Variants in ZBTB38 observed in about 807,000 individuals in gnomAD.
ZBTB38 encodes the protein zinc finger and BTB domain-containing protein 38.
Under a neutral mutation model 76.8 loss-of-function variants are expected in ZBTB38, and 20 were observed. The ratio of observed to expected loss-of-function variants is 0.26; its 90% confidence interval spans 0.18 to 0.38. The LOEUF is 0.38. Among genes scored for constraint, ZBTB38 ranks in the 10% least tolerant of loss-of-function variants. ZBTB38 has a pLI of 1.00. For synonymous variants in ZBTB38, 504 were observed against 544.2 expected, an observed-to-expected ratio of 0.93 and a Z score of 1.03; for missense variants, 1,082 against 1,482.3, an observed-to-expected ratio of 0.73 and a Z score of 4.43.
chr3:141,371,037 C>CT (rs373273690), intron 2 of ZBTB38, among the ~76,000 whole-genome samples: 112 of 86,226 alleles, frequency 1.3e-3, no homozygotes, highest in African/African-American at 5.9e-3. Context: ...CTTTTCTTTT[C>CT]TTTCTTTCTT....
chr3:141,436,295 A>G (rs1450517131), intron 5 of ZBTB38, among the ~76,000 whole-genome samples: 8 of 152,172 alleles, frequency 5.3e-5, no homozygotes, highest in African/African-American at 1.9e-4. Context: ...ATGTTATTTT[A>G]CTTACTGTTC....
chr3:141,356,446 T>C (rs1163564200), intron 1 of ZBTB38, among the ~76,000 whole-genome samples: 2 of 152,012 alleles, frequency 1.3e-5, no homozygotes, highest in East Asian at 3.9e-4. Context: ...GGAAAGACAG[T>C]AGGGTAAGAA....
intron 1 of ZBTB38, among the ~76,000 whole-genome samples, chr3:141,337,034 A>G (rs1943033311): frequency 6.6e-6 from 1 of 152,250 alleles, no homozygotes; most frequent in African/African-American, 2.4e-5. Flanking sequence ...CAAATCCTAT[A>G]GATAAAGCTG....
intron 1 of ZBTB38, among the ~76,000 whole-genome samples, chr3:141,354,252 C>T (rs149654976): frequency 1.1e-3 from 170 of 152,236 alleles, no homozygotes; most frequent in Non-Finnish European, 2.0e-3. Context: ...GCCTGCTAAT[C>T]CTCTTTAAAC....
intron 1 of ZBTB38, among the ~76,000 whole-genome samples, chr3:141,356,477 A>C (rs1294739892): frequency 2.0e-5 from 3 of 152,138 alleles, no homozygotes; most frequent in Non-Finnish European, 4.4e-5. Flanking sequence ...GTTCAGGGGA[A>C]GCCTCGGTAT....
intron 2 of ZBTB38, among the ~76,000 whole-genome samples, chr3:141,374,787 A>G (rs1281745663): frequency 6.6e-6 from 1 of 152,146 alleles, no homozygotes; most frequent in Non-Finnish European, 1.5e-5. Context: ...ATTTTAATGT[A>G]TCAGTTTTTT....
At chr3:141,343,937 C>T (rs913411150) in intron 1 of ZBTB38, among the ~76,000 whole-genome samples, 1 of 152,178 alleles carries the variant, frequency 6.6e-6, no homozygotes, top group African/African-American at 2.4e-5. Context: ...CCAAGGGCCT[C>T]TAACAGTAGA....
chr3:141,349,997 A>G (rs1203521324), intron 1 of ZBTB38, among the ~76,000 whole-genome samples: 1 of 152,236 alleles, frequency 6.6e-6, no homozygotes, highest in African/African-American at 2.4e-5. Flanking sequence ...TATAAATTCA[A>G]AGAAATCTCC....
At chr3:141,340,990 G>GAAAGAAAGAAAGAA (rs773205568) in intron 1 of ZBTB38, among the ~76,000 whole-genome samples, 5 of 122,114 alleles carry the variant, frequency 4.1e-5, no homozygotes, top group African/African-American at 8.9e-5. Flanking sequence ...AAGAAAGAAA[G>GAAAGAAAGAAAGAA]AGAAAGAAGA....
At chr3:141,325,900 C>T (rs559848243) in intron 1 of ZBTB38, among the ~76,000 whole-genome samples, 13 of 152,216 alleles carry the variant, frequency 8.5e-5, no homozygotes, top group Admixed American at 2.6e-4. Context: ...TTTACCTGTG[C>T]GATCAATTTT....
At chr3:141,371,045 C>CTTTCCTTTTTTTTTT (rs1944498561) in intron 2 of ZBTB38, among the ~76,000 whole-genome samples, 1 of 72,006 alleles carries the variant, frequency 1.4e-5, no homozygotes, top group African/African-American at 7.8e-5. Context: ...TTCTTTCTTT[C>CTTTCCTTTTTTTTTT]TTTTTTTTTT....
intron 5 of ZBTB38, among the ~76,000 whole-genome samples, chr3:141,439,633 C>T (rs911314559): frequency 2.0e-5 from 3 of 152,066 alleles, no homozygotes; most frequent in South Asian, 4.1e-4. Context: ...TGCCGTATTC[C>T]GCAAATGGAA....
At chr3:141,373,010 A>G (rs1434032365) in intron 2 of ZBTB38, among the ~76,000 whole-genome samples, 2 of 152,228 alleles carry the variant, frequency 1.3e-5, no homozygotes, top group African/African-American at 4.8e-5. Flanking sequence ...ATATTACTAC[A>G]GGAAGGGGAG....
intron 5 of ZBTB38, among the ~76,000 whole-genome samples, chr3:141,415,984 C>T (rs990804759): frequency 1.3e-5 from 2 of 152,158 alleles, no homozygotes; most frequent in Non-Finnish European, 2.9e-5. Context: ...GAACGTGTAT[C>T]AGTATAAAAA....
chr3:141,415,406 C>G (rs975567788), intron 5 of ZBTB38, among the ~76,000 whole-genome samples: 1 of 152,148 alleles, frequency 6.6e-6, no homozygotes. Flanking sequence ...CCATCAGATG[C>G]TGTTGCAGTG....
At chr3:141,326,875 T>C (rs1452912820) in intron 1 of ZBTB38, among the ~76,000 whole-genome samples, 1 of 152,222 alleles carries the variant, frequency 6.6e-6, no homozygotes, top group Non-Finnish European at 1.5e-5. Context: ...GGCTCGTTTG[T>C]GGCACCAGTA....
chr3:141,375,080 A>AT (rs1474889459), intron 2 of ZBTB38, among the ~76,000 whole-genome samples: 1 of 152,236 alleles, frequency 6.6e-6, no homozygotes, highest in African/African-American at 2.4e-5. Context: ...GTTGGCAAAC[A>AT]TTTATTAGAC....
At chr3:141,399,801 T>A (rs1164524116) in intron 4 of ZBTB38, among the ~76,000 whole-genome samples, 1 of 151,780 alleles carries the variant, frequency 6.6e-6, no homozygotes, top group South Asian at 2.1e-4. Flanking sequence ...TGGCCAAGAG[T>A]CCTAGTCAGA....
At chr3:141,336,333 A>T (rs924763895) in intron 1 of ZBTB38, among the ~76,000 whole-genome samples, 1 of 151,236 alleles carries the variant, frequency 6.6e-6, no homozygotes, top group Non-Finnish European at 1.5e-5. Context: ...GCTTCCCACC[A>T]AGAGCAACTG....
Sources: allele counts gnomAD v4.1 joint callset (sites outside exome capture counted in the v4.1 genomes callset), GRCh38; gene constraint gnomAD v4.1.1; transcripts MANE v1.5; gene names NCBI Gene and HGNC (gene_info 2026-07-23, HGNC 2026-07-21).